The following CCDC7 variants were observed in gnomAD, a reference collection of about 807,000 sequenced individuals.
The protein encoded by CCDC7 is coiled-coil domain-containing protein 7.
In CCDC7, 183 loss-of-function variants were observed where a neutral mutation model predicts 196.9. The observed-to-expected ratio is 0.93, with a 90% confidence interval of 0.82 to 1.05. CCDC7 has a LOEUF of 1.05. Among genes scored for constraint, CCDC7 ranks in the 50% least tolerant of loss-of-function variants. CCDC7 has a pLI of 0.00. For missense variants in CCDC7, 1,540 were observed against 1,482.2 expected (o/e 1.04, Z -0.64); for synonymous variants, 525 against 484.6 (o/e 1.08, Z -1.10).
rs56089046 is a variant in CCDC7 at position 32,619,910 on chromosome 10, CTTTTTTTTTTTTT to C, written c.1802-14326_1802-14314del. Among the ~76,000 whole-genome samples, 351 of 79,264 alleles carry C rather than the reference CTTTTTTTTTTTTT, an allele frequency of 4.4e-3. 2 individuals carry two copies. The highest frequency in any genetic ancestry group is 0.021 in the African/African-American group (328 of 15,304). 52.0% of individuals were successfully genotyped at this position (79,264 alleles called of 152,430 possible). A position where few individuals can be genotyped will look rare whatever the true frequency, so the allele number is the denominator to read the frequency against. On this transcript the variant is annotated intron_variant, in intron 18 of 41. Transcript: ENST00000639629. ...CACTGCTCCCAGCCCTTCAATGTAC[CTTTTTTTTTTTTT>C]TTTTTTTTTTTTTTTTTGAGACAGA...
At position 32,507,925 on chromosome 10, in the gene CCDC7, G is replaced by C. The variant is rs116163167; in HGVS notation, c.873-10020G>C. On this transcript the variant is annotated intron_variant, in intron 9 of 41. Coordinates refer to ENST00000639629, the Ensembl canonical transcript of CCDC7. The stretch of plus-strand genomic sequence containing the variant: ...CCTACAGCTAACATTACACTCAGTG[G>C]TGAATAGTTGAAGACTTTTTCTCTA... Among the ~76,000 whole-genome samples, 1,302 of 152,108 alleles carry C rather than the reference G, an allele frequency of 8.6e-3. 27 individuals are homozygous for C. The highest frequency in any genetic ancestry group is 0.029 in the African/African-American group (1,201 of 41,370).
At chr10:32,516,288 T>A (rs1050273237) in intron 9 of CCDC7, among the ~76,000 whole-genome samples, 2 of 150,950 alleles carry the variant, frequency 1.3e-5, no homozygotes, top group Non-Finnish European at 3.0e-5. Context: ...GTTACTAGAT[T>A]TTTTTTGTTT....
chr10:32,491,011 G>A (rs1300559698), intron 8 of CCDC7, among the ~76,000 whole-genome samples: 3 of 151,968 alleles, frequency 2.0e-5, no homozygotes, highest in Non-Finnish European at 4.4e-5. Context: ...GATATATTTG[G>A]TACCCTGAAT....
chr10:32,488,511 C>T (rs2041622252), intron 8 of CCDC7, among the ~76,000 whole-genome samples: 1 of 152,184 alleles, frequency 6.6e-6, no homozygotes, highest in African/African-American at 2.4e-5. Context: ...CTTTCCGACA[C>T]TCCCCAGTGA....
intron 13 of CCDC7, among the ~76,000 whole-genome samples, chr10:32,555,074 T>C (rs1276603368): frequency 6.6e-6 from 1 of 152,204 alleles, no homozygotes; most frequent in African/African-American, 2.4e-5. Flanking sequence ...GTGTACTACA[T>C]TTTCTTTATT....
chr10:32,543,163 T>C, intron 11 of CCDC7, 137 bp from the exon 13 acceptor site: 2 of 888,000 alleles, frequency 2.3e-6, no homozygotes, highest in Non-Finnish European at 3.0e-6. Flanking sequence ...ATTTTGCTTC[T>C]ATGCAGATAA....
intron 18 of CCDC7, among the ~76,000 whole-genome samples, chr10:32,621,193 A>C (rs753934433): frequency 5.9e-5 from 9 of 152,166 alleles, no homozygotes; most frequent in Non-Finnish European, 1.2e-4. Flanking sequence ...TCTTCTTATA[A>C]TCATATTACC....
At chr10:32,721,613 A>T (rs573915851) in intron 25 of CCDC7, among the ~76,000 whole-genome samples, 67 of 152,100 alleles carry the variant, frequency 4.4e-4, no homozygotes, top group African/African-American at 1.5e-3. Flanking sequence ...ACTTCTTTAT[A>T]TTTGTTGGGA....
intron 28 of CCDC7, among the ~76,000 whole-genome samples, chr10:32,736,325 T>C (rs920605132): frequency 6.6e-6 from 1 of 152,234 alleles, no homozygotes; most frequent in Non-Finnish European, 1.5e-5. Flanking sequence ...TTAGATCTGT[T>C]TATTCTTTGA....
intron 28 of CCDC7, among the ~76,000 whole-genome samples, chr10:32,758,797 A>G (rs2076922344): frequency 6.6e-6 from 1 of 152,192 alleles, no homozygotes; most frequent in African/African-American, 2.4e-5. Flanking sequence ...GGAAAAGAGG[A>G]AGTCAAATTA....
At chr10:32,828,547 AAGAAG>A (rs1426636838) in intron 32 of CCDC7, among the ~76,000 whole-genome samples, 5 of 146,834 alleles carry the variant, frequency 3.4e-5, no homozygotes, top group African/African-American at 5.1e-5. Context: ...GAAGAAGAAG[AAGAAG>A]AAGAAGAAAG....
intron 28 of CCDC7, among the ~76,000 whole-genome samples, chr10:32,756,670 G>A (rs550036198): frequency 1.4e-4 from 22 of 152,296 alleles, no homozygotes; most frequent in African/African-American, 5.3e-4. Context: ...AAAGACCATC[G>A]ATGCTAGGAG....
intron 13 of CCDC7, among the ~76,000 whole-genome samples, chr10:32,563,958 AAAAC>A (rs1341918974): frequency 4.6e-5 from 7 of 152,334 alleles, no homozygotes; most frequent in South Asian, 2.1e-4. Flanking sequence ...TTACAAGAAA[AAAAC>A]AAACAACCCC....
At chr10:32,541,247 C>T (rs1003002669) in intron 11 of CCDC7, among the ~76,000 whole-genome samples, 2 of 151,856 alleles carry the variant, frequency 1.3e-5, no homozygotes, top group Non-Finnish European at 2.9e-5. Flanking sequence ...TGGGGGTGGG[C>T]GAGGATGCCT....
At chr10:32,693,033 TA>T (rs1306192779) in intron 23 of CCDC7, among the ~76,000 whole-genome samples, 4 of 152,160 alleles carry the variant, frequency 2.6e-5, no homozygotes, top group African/African-American at 9.7e-5. Flanking sequence ...GAACAACAAC[TA>T]AAAAGATTTC....
chr10:32,606,877 A>T (rs2061607944), intron 18 of CCDC7, among the ~76,000 whole-genome samples: 1 of 152,198 alleles, frequency 6.6e-6, no homozygotes, highest in Non-Finnish European at 1.5e-5. Flanking sequence ...TTTGGGGGCT[A>T]TTGAGAAGAG....
intron 18 of CCDC7, among the ~76,000 whole-genome samples, chr10:32,585,495 A>C (rs1364907458): frequency 6.6e-6 from 1 of 152,128 alleles, no homozygotes; most frequent in East Asian, 1.9e-4. Flanking sequence ...CATCTACATT[A>C]GGTATTTCTC....
chr10:32,624,257 C>T (rs977230968), intron 18 of CCDC7, among the ~76,000 whole-genome samples: 2 of 151,694 alleles, frequency 1.3e-5, no homozygotes, highest in South Asian at 2.1e-4. Context: ...TTGCTTGATT[C>T]CCCCATTTCT....
In CCDC7 at chr10:32,666,325, A is replaced by C. The variant is rs543745010; in HGVS notation, c.2122+2164A>C. Among the ~76,000 whole-genome samples, 6 of 151,976 alleles carry C rather than the reference A, an allele frequency of 3.9e-5. No homozygotes were observed. The East Asian group carries it at 1.2e-3, about 29-fold the overall frequency. ...AATACCAGGTACGGCAGTAGGAAGA[A>C]CATAATATTTTTCTAACATACACAA... On this transcript the variant is annotated intron_variant, in intron 21 of 41. Transcript: ENST00000639629.
Sources: gnomAD v4.1 joint callset for allele counts (sites outside exome capture counted in the v4.1 genomes callset) on GRCh38, gnomAD v4.1.1 for gene constraint, MANE v1.5 for transcripts, NCBI Gene and HGNC (gene_info 2026-07-23, HGNC 2026-07-21) for gene names.